Variants in PTGR2 observed in about 807,000 individuals in gnomAD.
The protein encoded by PTGR2 is 15-oxoprostaglandin 13-reductase.
In PTGR2, 32 loss-of-function variants were observed where a neutral mutation model predicts 43.4. The observed-to-expected ratio is 0.74, with a 90% CI of 0.56 to 0.99. The LOEUF (loss-of-function observed/expected upper bound fraction) is 0.99, where lower values mean the gene tolerates loss of function less well. PTGR2 is among the 50% of genes least tolerant of loss of function. PTGR2 has a pLI of 0.00. For synonymous variants in PTGR2, 106 were observed against 139.2 expected, an observed-to-expected ratio of 0.76 and a Z score of 1.68; for missense variants, 373 against 420.0, an observed-to-expected ratio of 0.89 and a Z score of 0.98.
intron 3 of PTGR2, among the ~76,000 whole-genome samples, chr14:73,869,264 TG>T (rs1446033473): frequency 2.6e-5 from 4 of 152,164 alleles, no homozygotes; most frequent in African/African-American, 9.7e-5. Context: ...CTGGGTGCCA[TG>T]GCTCATACTT....
rs1263086841 is a variant in PTGR2, at chr14:73,879,117, TC to T, written c.543del (p.Arg182GlufsTer15). On this transcript the variant is annotated frameshift_variant, in exon 6 of 10. Coordinates refer to ENST00000555661, the MANE Select transcript of PTGR2 (RefSeq NM_001146154.2). ...CTAGATTGGCCATTTCTTAGGTTGT[TC>T]CAGAGTGGTGGGAATTTGTGGAACA... Reference protein sequence around the residue: ...AGQIGHFLGCSRVVGICGTHE... With the variant: ...AGQIGHFLGCXRVVGICGTHE... 2 of 1,614,034 alleles carry T rather than the reference TC, an allele frequency of 1.2e-6. No individual in the cohort carries two copies. The highest frequency in any genetic ancestry group is 1.7e-6 in the Non-Finnish European group (2 of 1,180,032).
intron 1 of PTGR2, among the ~76,000 whole-genome samples, chr14:73,853,024 T>C (rs1350193151): frequency 6.6e-6 from 1 of 151,956 alleles, no homozygotes; most frequent in Non-Finnish European, 1.5e-5. Flanking sequence ...TTTTCCCATG[T>C]TGGCCAGACT....
intron 8 of PTGR2, 60 bp downstream of exon 8, chr14:73,881,352 A>C: frequency 9.6e-7 from 1 of 1,041,478 alleles, no homozygotes; most frequent in Admixed American, 1.9e-5. Flanking sequence ...ATTTTGCATT[A>C]TTTAAATGTA....
At chr14:73,872,259 G>T (rs1048217677) in intron 3 of PTGR2, among the ~76,000 whole-genome samples, 1 of 152,156 alleles carries the variant, frequency 6.6e-6, no homozygotes, top group East Asian at 1.9e-4. Context: ...CATGAAATAG[G>T]GAGCGTACTT....
chr14:73,869,903 G>A (rs1343093016), intron 3 of PTGR2, among the ~76,000 whole-genome samples: 1 of 152,140 alleles, frequency 6.6e-6, no homozygotes, highest in East Asian at 1.9e-4. Context: ...GCATGTGCCT[G>A]TTATCTCAGC....
At chr14:73,878,858 C>T in intron 5 of PTGR2, 1 of 474,028 alleles carries the variant, frequency 2.1e-6, no homozygotes. Flanking sequence ...GGGACATATC[C>T]CTATCATAAG....
intron 3 of PTGR2, among the ~76,000 whole-genome samples, chr14:73,871,341 C>CTTTTTT (rs869073652): frequency 1.5e-4 from 10 of 67,856 alleles, no homozygotes; most frequent in African/African-American, 6.0e-5. Flanking sequence ...GGCTGTTCAT[C>CTTTTTT]TTTTTTTTTT....
In PTGR2 at chr14:73,884,163, G is replaced by C. The variant is rs1379395320; in HGVS notation, c.1042G>C (p.Glu348Gln). Residue 348 changes from glutamate to glutamine, a missense_variant, in exon 10 of 10, where the codon GAA becomes CAA. Coordinates refer to ENST00000555661, the MANE Select transcript of PTGR2 (RefSeq NM_001146154.2). The part of the protein sequence containing the change: ...IGKQIVCISE[E>Q]ISL Reference sequence around the variant, plus strand: ...AAAGCAGATAGTTTGCATTTCAGAAGAAATCTCTTTGTAATTGCTGTAAAT... The same window carrying C: ...AAAGCAGATAGTTTGCATTTCAGAACAAATCTCTTTGTAATTGCTGTAAAT... The C allele has an allele frequency of 4.4e-6, 7 of 1,597,280 alleles. No individual in the cohort carries two copies. The Admixed American group carries it at 1.2e-4, about 27-fold the overall frequency.
chr14:73,858,845 C>A lies in PTGR2; in HGVS notation c.-18C>A. The A allele has an allele frequency of 6.2e-7, 1 of 1,604,592 alleles. No homozygotes were observed. The highest frequency in any genetic ancestry group is 1.1e-5 in the South Asian group (1 of 89,518). On this transcript the variant is annotated 5_prime_UTR_variant, in exon 2 of 10. Transcript: ENST00000555661. Reference sequence around the variant, plus strand: ...ATTTTATACAGAAATCTTGTGAAACCACTGCCCAACCAGAGCAATGATTGT... The same window carrying A: ...ATTTTATACAGAAATCTTGTGAAACAACTGCCCAACCAGAGCAATGATTGT...
chr14:73,857,038 G>C (rs1163267009), intron 1 of PTGR2, among the ~76,000 whole-genome samples: 1 of 150,864 alleles, frequency 6.6e-6, no homozygotes, highest in South Asian at 2.1e-4. Flanking sequence ...TTGGGAGGTC[G>C]AGATGGGAGG....
intron 4 of PTGR2, among the ~76,000 whole-genome samples, chr14:73,875,293 C>T (rs117496394): frequency 0.31 from 46,361 of 151,992 alleles, 9,004 homozygotes; most frequent in Non-Finnish European, 0.42. Context: ...CCACTGTGCC[C>T]AGCCTTAATG....
At chr14:73,860,944 G>A (rs1327691038) in intron 3 of PTGR2, 2 of 189,014 alleles carry the variant, frequency 1.1e-5, no homozygotes, top group Non-Finnish European at 2.1e-5. Context: ...AAACAGGATT[G>A]CAAATTCAGT....
chr14:73,857,664 G>GT (rs1213963564), intron 1 of PTGR2, among the ~76,000 whole-genome samples: 1,872 of 64,606 alleles, frequency 0.029, 205 homozygotes, highest in African/African-American at 0.036. Flanking sequence ...AGCAGTTAGT[G>GT]TTTTTTTTTT....
chr14:73,860,971 T>C (rs2054475658), intron 3 of PTGR2: 3 of 168,700 alleles, frequency 1.8e-5, no homozygotes, highest in South Asian at 1.7e-4. Context: ...AGCTTTAAGA[T>C]AGTAAAATAA....
rs1257904608 is a variant in PTGR2, at chr14:73,874,224, AT to A, written c.348+11del. On this transcript the variant is annotated intron_variant, in intron 4 of 9. Transcript: ENST00000555661. ...AAATAGCCTTGAAAAGGTGATATAT[AT>A]ATGAACATATCTGATTTTTTTTCCC... is the stretch of plus-strand genomic sequence containing the variant. 6.3e-7 allele frequency: 1 copy of A among 1,578,028 alleles called. No individual in the cohort carries two copies. The highest frequency in any genetic ancestry group is 1.4e-5 in the African/African-American group (1 of 73,622).
chr14:73,867,502 T>TA (rs35088714), intron 3 of PTGR2, among the ~76,000 whole-genome samples: 2,419 of 148,868 alleles, frequency 0.016, 53 homozygotes, highest in African/African-American at 0.057. Flanking sequence ...TTTCTGTCTT[T>TA]AAAAAAAAAA....
chr14:73,868,575 A>G (rs2140252863), intron 3 of PTGR2, among the ~76,000 whole-genome samples: 1 of 152,016 alleles, frequency 6.6e-6, no homozygotes, highest in African/African-American at 2.4e-5. Flanking sequence ...ATACAAACCA[A>G]CCAATCCAAA....
At chr14:73,880,213 T>C (rs373490732) in intron 7 of PTGR2, 37 bp downstream of exon 7, 11 of 1,609,050 alleles carry the variant, frequency 6.8e-6, no homozygotes, top group African/African-American at 1.3e-5. Context: ...ACCAGGTTCA[T>C]GGGGTTTTAA....
At chr14:73,860,713 A>G (rs993463687) in intron 3 of PTGR2, 56 bp downstream of exon 3, 31 of 874,740 alleles carry the variant, frequency 3.5e-5, no homozygotes, top group Non-Finnish European at 5.8e-5. Flanking sequence ...ATTATTTTTC[A>G]TGTTGTATCT....
Sources: allele counts gnomAD v4.1 joint callset (sites outside exome capture counted in the v4.1 genomes callset), GRCh38; gene constraint gnomAD v4.1.1; transcripts MANE v1.5; gene names NCBI Gene and HGNC (gene_info 2026-07-23, HGNC 2026-07-21).